The following ABCB11 variants were observed in gnomAD, a reference collection of about 807,000 sequenced individuals.
ABCB11 encodes the protein bile salt export pump.
A neutral mutation model predicts 148.0 loss-of-function variants in ABCB11; 95 were observed. That is an observed-to-expected ratio of 0.64 (90% CI 0.54 to 0.76). The LOEUF (loss-of-function observed/expected upper bound fraction) is 0.76, where lower values mean the gene tolerates loss of function less well. Among genes scored for constraint, ABCB11 ranks in the 30% least tolerant of loss-of-function variants. The pLI is 0.00. For missense variants in ABCB11, 1,523 were observed against 1,617.8 expected (o/e 0.94, Z 1.01); for synonymous variants, 591 against 555.4 (o/e 1.06, Z -0.90).
At chr2:169,009,334 T>C (rs1301783642) in intron 5 of ABCB11, among the ~76,000 whole-genome samples, 1 of 151,946 alleles carries the variant, frequency 6.6e-6, no homozygotes, top group Non-Finnish European at 1.5e-5. Context: ...AACCCAAATG[T>C]CCAACAGTGA....
At chr2:168,933,582 T>C (rs984822797) in intron 23 of ABCB11, among the ~76,000 whole-genome samples, 7 of 152,284 alleles carry the variant, frequency 4.6e-5, no homozygotes, top group African/African-American at 1.7e-4. Context: ...GCTCAGTTCA[T>C]AAGCAGGAAT....
chr2:168,995,288 G>T (rs1442948291), intron 7 of ABCB11, 61 bp downstream of exon 7: 1 of 1,512,902 alleles, frequency 6.6e-7, no homozygotes, highest in Non-Finnish European at 8.9e-7. Flanking sequence ...ATTTAATTTA[G>T]AAACAAGGGT....
rs528640585 is a variant in ABCB11 at position 168,936,428 on chromosome 2, G to C, written c.2616C>G (p.Ala872=). 6.2e-7 allele frequency: 1 copy of C among 1,613,670 alleles called. No individual in the cohort carries two copies. The highest frequency in any genetic ancestry group is 1.3e-5 in the African/African-American group (1 of 74,882). Reference sequence around the variant, plus strand: ...TGACTATCATCCCGATCTGAGAGCCGGCAGCCTGCAAACCAAAAAGCAATC... The same window carrying C: ...TGACTATCATCCCGATCTGAGAGCCCGCAGCCTGCAAACCAAAAAGCAATC... ...ATDASQVQGA[A]GSQIGMIVNS... Residue 872 remains alanine (A), a synonymous_variant, in exon 22 of 28, where the codon GCC becomes GCG. Coordinates refer to ENST00000650372, the MANE Select transcript of ABCB11 (RefSeq NM_003742.4).
chr2:168,944,918 T>C lies in ABCB11; in HGVS notation c.2387A>G (p.Asn796Ser). 6.4e-7 allele frequency: 1 copy of C among 1,572,784 alleles called. No homozygotes were observed. The highest frequency in any genetic ancestry group is 2.3e-5 in the East Asian group (1 of 42,822). Residue 796 changes from asparagine (N) to serine (S), a missense_variant, in exon 20 of 28, where the codon AAT (asparagine) becomes AGT (serine). Physicochemically the swap from Asn to Ser is conservative, Grantham distance 46 (BLOSUM62 1). Transcript: ENST00000650372. ...TGCTACAAAAAGTAGGCACACACCA[T>C]TGATCTGTGACCTTTGTTCCTCTTT... ...PDKEEQRSQI[N>S]GVCLLFVAMG...
At chr2:169,029,119 C>T (rs1017781442) in intron 1 of ABCB11, among the ~76,000 whole-genome samples, 7 of 152,042 alleles carry the variant, frequency 4.6e-5, no homozygotes, top group South Asian at 2.1e-4. Context: ...GGTCCCTCCA[C>T]GGCTTTTCTC....
At chr2:168,960,557 G>C (rs1244157749) in intron 18 of ABCB11, among the ~76,000 whole-genome samples, 1 of 151,638 alleles carries the variant, frequency 6.6e-6, no homozygotes, top group African/African-American at 2.4e-5. Flanking sequence ...AGTAATTCTT[G>C]TCTAGTGGTT....
chr2:168,939,575 T>C (rs1691974207), intron 21 of ABCB11, among the ~76,000 whole-genome samples: 1 of 152,144 alleles, frequency 6.6e-6, no homozygotes, highest in Admixed American at 6.6e-5. Context: ...GTCTACTTTG[T>C]AGTTTTGAGT....
Position 168,973,738 on chromosome 2 carries a change from A to T in ABCB11, c.1411T>A (p.Phe471Ile). The change falls in exon 13 of 28, where the codon TTC becomes ATC. Residue 471 changes from phenylalanine to isoleucine, a missense_variant. By Grantham distance (21) the Phe-to-Ile change is conservative. Coordinates refer to ENST00000650372, the MANE Select transcript of ABCB11 (RefSeq NM_003742.4). ...KSTALQLIQRFYDPCEGMVTV... is the reference protein window; with the variant it reads ...KSTALQLIQRIYDPCEGMVTV... ...ACCATTCCTTCACAGGGGTCATAGA[A>T]TCGCTGAATGAGTTGCAGTGCTGTA... is the stretch of plus-strand genomic sequence containing the variant. 1 of 1,612,144 alleles carries T rather than the reference A, an allele frequency of 6.2e-7. No individual in the cohort carries two copies. The highest frequency in any genetic ancestry group is 2.2e-5 in the East Asian group (1 of 44,816).
chr2:168,985,803 G>A (rs1485824954), intron 10 of ABCB11, among the ~76,000 whole-genome samples: 8 of 152,084 alleles, frequency 5.3e-5, no homozygotes, highest in South Asian at 2.1e-4. Flanking sequence ...AAAAGGGTAC[G>A]AAGGCAGTGA....
intron 5 of ABCB11, among the ~76,000 whole-genome samples, chr2:169,006,434 A>T (rs905586689): frequency 6.6e-6 from 1 of 152,194 alleles, no homozygotes. Flanking sequence ...AGCTAATGCC[A>T]TACTTAATGG....
chr2:168,954,574 T>C (rs1293902253), intron 19 of ABCB11, among the ~76,000 whole-genome samples: 1 of 151,610 alleles, frequency 6.6e-6, no homozygotes, highest in Non-Finnish European at 1.5e-5. Context: ...CCTGTAAGGT[T>C]TCTGCTGAAA....
rs184179140 is a variant in ABCB11, at chr2:168,932,837, C to T, written c.3057-304G>A. Among the ~76,000 whole-genome samples the T allele has an allele frequency of 5.3e-5, 8 of 152,176 alleles. No homozygotes were observed. The East Asian group carries it at 5.8e-4, about 11-fold the overall frequency. ...CTTTAAGAAAATTGTTGGCCAGGCG[C>T]GGTGGCTCACTCCTGTAATCCCAGC... On this transcript the variant is annotated intron_variant, in intron 23 of 27. Transcript: ENST00000650372.
chr2:168,943,263 T>A (rs143023203), intron 21 of ABCB11, among the ~76,000 whole-genome samples: 2 of 151,858 alleles, frequency 1.3e-5, no homozygotes, highest in East Asian at 3.9e-4. Context: ...ATGATGAGAG[T>A]GAAATTGGAA....
chr2:168,937,395 T>C (rs1035971872), intron 21 of ABCB11, among the ~76,000 whole-genome samples: 3 of 152,200 alleles, frequency 2.0e-5, no homozygotes, highest in South Asian at 2.1e-4. Context: ...GGTCATATGG[T>C]AGTCCCCTGT....
chr2:168,956,769 T>A (rs558211880), intron 19 of ABCB11, among the ~76,000 whole-genome samples: 59 of 151,760 alleles, frequency 3.9e-4, no homozygotes, highest in South Asian at 1.0e-3. Flanking sequence ...GTTTCCCTTT[T>A]GGAGTAACAT....
At chr2:168,931,753 T>A (rs1331943397) in intron 24 of ABCB11, among the ~76,000 whole-genome samples, 1 of 152,204 alleles carries the variant, frequency 6.6e-6, no homozygotes, top group Non-Finnish European at 1.5e-5. Context: ...GTATTTTATA[T>A]TACACAGAAT....
At chr2:168,997,524 G>A (rs560265390) in intron 5 of ABCB11, among the ~76,000 whole-genome samples, 1 of 152,194 alleles carries the variant, frequency 6.6e-6, no homozygotes, top group African/African-American at 2.4e-5. Context: ...TTGCTTTTAT[G>A]AATGAAGGCA....
chr2:169,014,208 A>T (rs1015380243), intron 4 of ABCB11, 95 bp downstream of exon 4: 3 of 1,264,484 alleles, frequency 2.4e-6, no homozygotes, highest in Non-Finnish European at 3.5e-6. Context: ...GAAGTTAAAA[A>T]CCTGCCAATA....
At chr2:168,971,780 T>C (rs1693586589) in intron 14 of ABCB11, 67 bp downstream of exon 14, 8 of 1,467,134 alleles carry the variant, frequency 5.5e-6, no homozygotes, top group Non-Finnish European at 7.6e-6. Context: ...GAAATGTGTA[T>C]AATTGTGCAA....
Sources: allele counts gnomAD v4.1 joint callset (sites outside exome capture counted in the v4.1 genomes callset), GRCh38; gene constraint gnomAD v4.1.1; transcripts MANE v1.5; gene names NCBI Gene and HGNC (gene_info 2026-07-23, HGNC 2026-07-21).